Variants in SNTG2 observed in about 807,000 individuals in gnomAD.
The protein encoded by SNTG2 is syntrophin gamma 2.
In SNTG2, 74 loss-of-function variants were observed where a neutral mutation model predicts 70.9. The ratio of observed to expected loss-of-function variants is 1.04; its 90% confidence interval spans 0.86 to 1.27. SNTG2 has a LOEUF of 1.27. Ranked by LOEUF, SNTG2 falls within the 50% of genes most tolerant of loss-of-function variation. SNTG2 has a pLI of 0.00. For missense variants in SNTG2, 717 were observed against 690.7 expected, an observed-to-expected ratio of 1.04 and a Z score of -0.43; for synonymous variants, 278 against 273.8, an observed-to-expected ratio of 1.02 and a Z score of -0.15.
intron 1 of SNTG2, among the ~76,000 whole-genome samples, chr2:1,030,392 A>T (rs1487487128): frequency 1.3e-5 from 2 of 152,156 alleles, no homozygotes; most frequent in African/African-American, 4.8e-5. Flanking sequence ...AATTCAATTA[A>T]AAAAAGGGCA....
chr2:1,102,411 G>T (rs1032209386), intron 4 of SNTG2: 1 of 152,324 alleles, frequency 6.6e-6, no homozygotes, highest in African/African-American at 2.4e-5. Flanking sequence ...CTGGGATTTT[G>T]GTGAATTTGT....
At chr2:1,188,248 A>C (rs895047144) in intron 8 of SNTG2, among the ~76,000 whole-genome samples, 1 of 152,224 alleles carries the variant, frequency 6.6e-6, no homozygotes, top group Non-Finnish European at 1.5e-5. Context: ...TCAGAGATAC[A>C]TAGTTGACCA....
intron 7 of SNTG2, among the ~76,000 whole-genome samples, chr2:1,168,431 C>T (rs1317346483): frequency 7.9e-5 from 12 of 152,344 alleles, no homozygotes; most frequent in East Asian, 5.8e-4. Context: ...GCCCCAAAGC[C>T]GGCCCATCTC....
At chr2:1,242,252 T>G (rs910070388) in intron 11 of SNTG2, among the ~76,000 whole-genome samples, 1 of 152,230 alleles carries the variant, frequency 6.6e-6, no homozygotes, top group Non-Finnish European at 1.5e-5. Context: ...TTTTTTTCAC[T>G]CTGAACAATT....
intron 1 of SNTG2, among the ~76,000 whole-genome samples, chr2:964,715 A>C (rs1050625108): frequency 6.6e-6 from 1 of 152,130 alleles, no homozygotes; most frequent in African/African-American, 2.4e-5. Context: ...CTCTGGGGTG[A>C]GGCTGTTCCT....
intron 14 of SNTG2, among the ~76,000 whole-genome samples, chr2:1,273,580 T>A (rs1679146633): frequency 1.3e-5 from 2 of 151,788 alleles, no homozygotes; most frequent in African/African-American, 4.8e-5. Flanking sequence ...TATGCTGGGA[T>A]AATTGGATGC....
At chr2:1,177,947 T>A (rs1277686632) in intron 8 of SNTG2, among the ~76,000 whole-genome samples, 1 of 152,214 alleles carries the variant, frequency 6.6e-6, no homozygotes, top group Non-Finnish European at 1.5e-5. Context: ...ACTACTGTAT[T>A]GTTGGAATTT....
intron 4 of SNTG2, among the ~76,000 whole-genome samples, chr2:1,115,626 G>C (rs1244090097): frequency 6.6e-6 from 1 of 150,704 alleles, no homozygotes; most frequent in Admixed American, 6.6e-5. Flanking sequence ...TATGTACTAA[G>C]TGAGGTTTAA....
intron 1 of SNTG2, among the ~76,000 whole-genome samples, chr2:1,077,804 T>C (rs1431822991): frequency 3.3e-5 from 5 of 152,174 alleles, no homozygotes; most frequent in African/African-American, 9.7e-5. Context: ...GACACCCATG[T>C]TTACAGTTAT....
chr2:1,309,432 C>T (rs907875772), intron 15 of SNTG2, among the ~76,000 whole-genome samples: 1 of 152,364 alleles, frequency 6.6e-6, no homozygotes, highest in African/African-American at 2.4e-5. Flanking sequence ...AAGACAAAAA[C>T]CTTTCCTAGG....
chr2:1,204,800 A>G (rs33998558), intron 8 of SNTG2, among the ~76,000 whole-genome samples: 7,617 of 152,276 alleles, frequency 0.05, 299 homozygotes, highest in East Asian at 0.21. Flanking sequence ...GTATATAACT[A>G]TACGGTTTGG....
chr2:1,357,926 A>G (rs1017017776), intron 16 of SNTG2, among the ~76,000 whole-genome samples: 1 of 151,784 alleles, frequency 6.6e-6, no homozygotes, highest in Non-Finnish European at 1.5e-5. Flanking sequence ...TTGAATTTCT[A>G]TTTTAAATAA....
chr2:1,095,246 G>A (rs923486439), intron 2 of SNTG2, among the ~76,000 whole-genome samples: 7 of 152,132 alleles, frequency 4.6e-5, no homozygotes, highest in Non-Finnish European at 1.0e-4. Context: ...CTTCAACACG[G>A]ATTTTAGGGG....
At chr2:1,297,299 A>G (rs1030876125) in intron 14 of SNTG2, among the ~76,000 whole-genome samples, 1 of 152,238 alleles carries the variant, frequency 6.6e-6, no homozygotes, top group Non-Finnish European at 1.5e-5. Context: ...TGCATGCAGT[A>G]CACATTCATG....
rs963195419 is a variant in SNTG2 at position 1,020,361 on chromosome 2, T to C, written c.73-63157T>C. ...TGCCTTTCCTCCCACTTCTGGCCCC[T>C]GGACTGGCCAGATGGTGAGTGAGGG... On this transcript the variant is annotated intron_variant, in intron 1 of 16. Coordinates refer to ENST00000308624, the MANE Select transcript of SNTG2 (RefSeq NM_018968.4). 6.6e-5 allele frequency among the ~76,000 whole-genome samples: 10 copies of C among 152,196 alleles called. 1 individual carries two copies. The highest frequency in any genetic ancestry group is 2.4e-4 in the African/African-American group (10 of 41,462).
At chr2:1,020,777 G>C (rs563279436) in intron 1 of SNTG2, among the ~76,000 whole-genome samples, 1 of 152,232 alleles carries the variant, frequency 6.6e-6, no homozygotes, top group Admixed American at 6.5e-5. Flanking sequence ...CATGAGCTGA[G>C]TTTTTCACTT....
intron 2 of SNTG2, among the ~76,000 whole-genome samples, chr2:1,084,653 T>G (rs543972213): frequency 6.6e-6 from 1 of 152,280 alleles, no homozygotes; most frequent in Non-Finnish European, 1.5e-5. Flanking sequence ...TGTAACAAAA[T>G]CCCCAAGCTG....
Position 1,097,732 on chromosome 2 carries a change from A to C in SNTG2, c.211-464A>C, listed in dbSNP as rs944238744. On this transcript the variant is annotated intron_variant, in intron 2 of 16. Coordinates refer to ENST00000308624, the MANE Select transcript of SNTG2 (RefSeq NM_018968.4). The surrounding 1 kb of genome is among the most constrained non-coding windows in gnomAD (Gnocchi z 4.1). ...AAAAATGGATCATTCATGAATTAAT[A>C]TTGGTTGAAGATTGTCCTAAACACG... 6.6e-6 allele frequency among the ~76,000 whole-genome samples: 1 copy of C among 152,060 alleles called. No individual in the cohort carries two copies. Among genetic ancestry groups the C allele is most frequent in the Non-Finnish European group, 1.5e-5 (1 of 68,022 alleles).
At chr2:1,088,730 C>A (rs1398585374) in intron 2 of SNTG2, among the ~76,000 whole-genome samples, 1 of 152,174 alleles carries the variant, frequency 6.6e-6, no homozygotes, top group Admixed American at 6.5e-5. Context: ...TATCCCAGGG[C>A]CTACCAGATG....
Sources: gnomAD v4.1 joint callset for allele counts (sites outside exome capture counted in the v4.1 genomes callset) on GRCh38, gnomAD v4.1.1 for gene constraint, Gnocchi (gnomAD v3.1) non-coding constraint, MANE v1.5 for transcripts, NCBI Gene and HGNC (gene_info 2026-07-23, HGNC 2026-07-21) for gene names.